RGS6: variants seen among roughly 807,000 people sequenced by gnomAD.
The protein encoded by RGS6 is regulator of G-protein signaling 6.
RGS6 carries 30 observed loss-of-function variants against 78.5 expected under a neutral mutation model. The ratio of observed to expected loss-of-function variants is 0.38; its 90% CI spans 0.29 to 0.52. The LOEUF (loss-of-function observed/expected upper bound fraction) is 0.52. Among genes scored for constraint, RGS6 ranks in the 20% least tolerant of loss-of-function variants. The pLI is 0.85. For missense variants in RGS6, 495 were observed against 609.7 expected (o/e 0.81, Z 1.98); for synonymous variants, 206 against 206.0 (o/e 1.00, Z 0.00).
chr14:72,548,044 G>A (rs2097434690), intron 17 of RGS6, among the ~76,000 whole-genome samples: 1 of 152,106 alleles, frequency 6.6e-6, no homozygotes, highest in African/African-American at 2.4e-5. Flanking sequence ...CCCTTTGTAG[G>A]TGAAGTGAGT....
At chr14:71,938,492 A>C (rs2089938962) in intron 1 of RGS6, among the ~76,000 whole-genome samples, 2 of 152,296 alleles carry the variant, frequency 1.3e-5, no homozygotes, top group South Asian at 2.1e-4. Flanking sequence ...CATATCGTGC[A>C]GAACCATCTG....
At chr14:72,306,130 G>A (rs146647369) in intron 2 of RGS6, among the ~76,000 whole-genome samples, 50 of 152,244 alleles carry the variant, frequency 3.3e-4, no homozygotes, top group African/African-American at 1.1e-3. Flanking sequence ...TAAGAATGAC[G>A]CTAAATCTAC....
intron 3 of RGS6, among the ~76,000 whole-genome samples, chr14:72,392,089 G>T (rs924691769): frequency 6.6e-6 from 1 of 151,962 alleles, no homozygotes; most frequent in African/African-American, 2.4e-5. Context: ...TGCAATCTCG[G>T]CTCACTGTAG....
chr14:72,297,443 C>T (rs1444721711), intron 2 of RGS6, among the ~76,000 whole-genome samples: 2 of 146,874 alleles, frequency 1.4e-5, no homozygotes, highest in Admixed American at 1.3e-4. Flanking sequence ...TTTTTTTATA[C>T]TTTAAGTTTT....
rs139608925 is a variant in RGS6 at position 72,347,173 on chromosome 14, T to A, written c.85-4922T>A. Among the ~76,000 whole-genome samples the A allele has an allele frequency of 7.2e-3, 1,099 of 152,314 alleles. 2 individuals are homozygous for A. The highest frequency in any genetic ancestry group is 1.0e-2 in the Non-Finnish European group (678 of 68,014). ...ACACAGAACTTCATATTAAAGGATGTCAGGGAATTGATTTTGCTCTTCTTT... is the reference window on the plus strand; with the variant it reads ...ACACAGAACTTCATATTAAAGGATGACAGGGAATTGATTTTGCTCTTCTTT... On this transcript the variant is annotated intron_variant, in intron 2 of 17. Transcript: ENST00000553525.
At chr14:72,441,477 C>A (rs1411451811) in intron 3 of RGS6, among the ~76,000 whole-genome samples, 3 of 152,048 alleles carry the variant, frequency 2.0e-5, no homozygotes, top group African/African-American at 7.2e-5. Flanking sequence ...ACCACCAGGG[C>A]AGTGCAGCTT....
At chr14:72,423,085 G>T (rs1187970986) in intron 3 of RGS6, among the ~76,000 whole-genome samples, 1 of 152,246 alleles carries the variant, frequency 6.6e-6, no homozygotes, top group Non-Finnish European at 1.5e-5. Context: ...GTGAGTCAGA[G>T]AGTTGAGTCA....
chr14:72,455,778 C>T (rs1432223135), intron 4 of RGS6, among the ~76,000 whole-genome samples: 1 of 152,192 alleles, frequency 6.6e-6, no homozygotes, highest in Admixed American at 6.5e-5. Flanking sequence ...TGAGTGTCCG[C>T]TTGGAAAGCC....
At chr14:72,025,238 G>A (rs549699987) in intron 2 of RGS6, among the ~76,000 whole-genome samples, 4 of 151,834 alleles carry the variant, frequency 2.6e-5, no homozygotes, top group Admixed American at 2.6e-4. Context: ...GGCCCATTGA[G>A]CCCTCTGCTC....
chr14:71,942,518 T>A (rs2090774989), intron 1 of RGS6, among the ~76,000 whole-genome samples: 1 of 151,676 alleles, frequency 6.6e-6, no homozygotes, highest in Non-Finnish European at 1.5e-5. Flanking sequence ...ATTTTATGAA[T>A]GAAGAAATGT....
chr14:72,221,304 C>G (rs1424606744), intron 2 of RGS6, among the ~76,000 whole-genome samples: 2 of 152,188 alleles, frequency 1.3e-5, no homozygotes, highest in Non-Finnish European at 2.9e-5. Flanking sequence ...AAAGGGACAT[C>G]TGTTTTTGCA....
chr14:72,426,044 C>CA (rs200977248), intron 3 of RGS6, among the ~76,000 whole-genome samples: 1 of 151,908 alleles, frequency 6.6e-6, no homozygotes, highest in Admixed American at 6.6e-5. Flanking sequence ...ACTCTTTTAA[C>CA]AAAAAAATTC....
intron 2 of RGS6, among the ~76,000 whole-genome samples, chr14:72,314,675 A>G (rs747720581): frequency 4.6e-5 from 7 of 152,178 alleles, no homozygotes; most frequent in Non-Finnish European, 8.8e-5. Context: ...ATTCTGCCAC[A>G]TTGCTCTTCT....
At chr14:72,424,943 C>G in intron 3 of RGS6, among the ~76,000 whole-genome samples, 1 of 152,192 alleles carries the variant, frequency 6.6e-6, no homozygotes, top group East Asian at 1.9e-4. Context: ...GAGTTTGGCT[C>G]CATGCTTCAG....
chr14:72,405,717 T>C (rs977635412), intron 3 of RGS6, among the ~76,000 whole-genome samples: 1 of 152,218 alleles, frequency 6.6e-6, no homozygotes, highest in Non-Finnish European at 1.5e-5. Context: ...AACCAGACTT[T>C]TGGGGAAGTA....
At chr14:72,567,761 TC>T (rs2097715323), downstream of RGS6, among the ~76,000 whole-genome samples, 1 of 152,202 alleles carries the variant, frequency 6.6e-6, no homozygotes, top group Non-Finnish European at 1.5e-5. Flanking sequence ...CAAGTAGTTC[TC>T]TGAGAGGCAT....
intron 2 of RGS6, among the ~76,000 whole-genome samples, chr14:71,968,520 A>T (rs1347573668): frequency 6.6e-6 from 1 of 152,206 alleles, no homozygotes; most frequent in Non-Finnish European, 1.5e-5. Flanking sequence ...TTTTCCTTAG[A>T]TATTTTCTAG....
chr14:72,049,392 A>G (rs916099353), intron 2 of RGS6, among the ~76,000 whole-genome samples: 8 of 152,248 alleles, frequency 5.3e-5, no homozygotes, highest in African/African-American at 1.7e-4. Flanking sequence ...AGGGGAAAAC[A>G]AAGTGAGGGC....
At chr14:72,591,891 C>T in the RGS6 span, among the ~76,000 whole-genome samples, 3 of 152,138 alleles carry the variant, frequency 2.0e-5, no homozygotes, top group Admixed American at 2.0e-4. Context: ...GATGGCAGCC[C>T]CTTCTCTCTA....
Sources: allele counts gnomAD v4.1 joint callset (sites outside exome capture counted in the v4.1 genomes callset), GRCh38; gene constraint gnomAD v4.1.1; transcripts MANE v1.5; gene names NCBI Gene and HGNC (gene_info 2026-07-23, HGNC 2026-07-21).